Variants in PIP5K1B observed in about 807,000 individuals in gnomAD.
PIP5K1B encodes phosphatidylinositol 4-phosphate 5-kinase type-1 beta.
In PIP5K1B, 42 loss-of-function variants were observed where a neutral mutation model predicts 67.0. The observed-to-expected ratio is 0.63, with a 90% CI of 0.49 to 0.81. PIP5K1B has a LOEUF of 0.81. Among genes scored for constraint, PIP5K1B ranks in the 30% least tolerant of loss-of-function variants. The probability of loss-of-function intolerance (pLI) is 0.00; values close to 1 mark genes in which losing one functional copy is unlikely to be tolerated. For missense variants in PIP5K1B, 459 were observed against 646.3 expected (o/e 0.71, Z 3.14); for synonymous variants, 214 against 231.4 (o/e 0.92, Z 0.68).
intron 14 of PIP5K1B, among the ~76,000 whole-genome samples, chr9:68,985,775 C>T (rs1054992363): frequency 2.6e-5 from 4 of 152,238 alleles, no homozygotes; most frequent in African/African-American, 4.8e-5. Flanking sequence ...CCAACTCTCT[C>T]ATGTCATCAA....
At chr9:68,772,013 G>A (rs1830691745) in intron 2 of PIP5K1B, among the ~76,000 whole-genome samples, 1 of 152,192 alleles carries the variant, frequency 6.6e-6, no homozygotes, top group South Asian at 2.1e-4. Flanking sequence ...AAAGGTGCAT[G>A]AAAAGGGAAG....
At chr9:68,832,247 T>C (rs924231009) in intron 4 of PIP5K1B, among the ~76,000 whole-genome samples, 1 of 152,236 alleles carries the variant, frequency 6.6e-6, no homozygotes, top group Non-Finnish European at 1.5e-5. Flanking sequence ...TGAGATCCAC[T>C]TGACAGTGGT....
chr9:68,988,440 T>G lies in PIP5K1B; in HGVS notation c.1503-2700T>G, dbSNP rs1193422633. 1.8e-4 allele frequency among the ~76,000 whole-genome samples: 25 copies of G among 142,236 alleles called. No homozygotes were observed. The South Asian group carries it at 2.0e-3, about 11-fold the overall frequency. The allele number at this position is 142,236 out of a possible 152,430, so 93.3% of individuals were successfully genotyped here. A position where few individuals can be genotyped will look rare whatever the true frequency, so the allele number is the denominator to read the frequency against. Reference sequence around the variant, plus strand: ...GAATGGAAAAACTTAGTTGTTTTTTTGGGGTTTTTTTTTTTTTTTTTTTTT... The same window carrying G: ...GAATGGAAAAACTTAGTTGTTTTTTGGGGGTTTTTTTTTTTTTTTTTTTTT... On this transcript the variant is annotated intron_variant, in intron 14 of 15. Transcript: ENST00000265382.
intron 14 of PIP5K1B, among the ~76,000 whole-genome samples, chr9:68,948,178 C>T (rs963245498): frequency 1.3e-5 from 2 of 152,198 alleles, no homozygotes; most frequent in African/African-American, 4.8e-5. Context: ...AGTCATCAAG[C>T]AAATGATACC....
intron 2 of PIP5K1B, among the ~76,000 whole-genome samples, chr9:68,806,178 A>G (rs754250235): frequency 6.6e-6 from 1 of 152,136 alleles, no homozygotes; most frequent in Non-Finnish European, 1.5e-5. Context: ...TGCAGCTGGG[A>G]TAAAGGTGGC....
chr9:68,880,009 A>G (rs1824099049), intron 6 of PIP5K1B, among the ~76,000 whole-genome samples: 1 of 152,148 alleles, frequency 6.6e-6, no homozygotes, highest in Non-Finnish European at 1.5e-5. Flanking sequence ...GTGTACTCTA[A>G]ACGGGTGAAT....
intron 2 of PIP5K1B, chr9:68,782,414 A>G (rs1564131262): frequency 6.0e-6 from 1 of 166,938 alleles, no homozygotes; most frequent in East Asian, 1.9e-4. Flanking sequence ...AGAATAGCAA[A>G]AATTTTTTTA....
At chr9:68,715,102 G>A (rs1827570622) in intron 1 of PIP5K1B, among the ~76,000 whole-genome samples, 1 of 152,180 alleles carries the variant, frequency 6.6e-6, no homozygotes, top group African/African-American at 2.4e-5. Flanking sequence ...AAAAGGCCTG[G>A]GTTGCTTTGC....
intron 2 of PIP5K1B, among the ~76,000 whole-genome samples, chr9:68,801,262 T>C (rs1832587429): frequency 6.6e-6 from 1 of 152,110 alleles, no homozygotes; most frequent in African/African-American, 2.4e-5. Flanking sequence ...AGCCCGGGCA[T>C]GAGAGAACTT....
At chr9:69,007,602 A>C (rs1005273797) in intron 15 of PIP5K1B, among the ~76,000 whole-genome samples, 2 of 152,210 alleles carry the variant, frequency 1.3e-5, no homozygotes, top group African/African-American at 4.8e-5. Context: ...TCACGCCTGT[A>C]ATCCCAGCAC....
intron 4 of PIP5K1B, among the ~76,000 whole-genome samples, chr9:68,845,000 C>CA (rs1389820865): frequency 6.6e-6 from 1 of 151,954 alleles, no homozygotes; most frequent in Admixed American, 6.6e-5. Flanking sequence ...TTAAATCATA[C>CA]AAAACAAGTG....
intron 2 of PIP5K1B, among the ~76,000 whole-genome samples, chr9:68,753,342 A>AT (rs398010785): frequency 0.4 from 53,982 of 133,714 alleles, 12,134 homozygotes; most frequent in East Asian, 0.69. Context: ...CATTTTCTTG[A>AT]TTTTTTTTTT....
chr9:68,763,603 T>TA (rs984061393), intron 2 of PIP5K1B, among the ~76,000 whole-genome samples: 13 of 151,024 alleles, frequency 8.6e-5, no homozygotes, highest in East Asian at 1.9e-4. Flanking sequence ...TGAAGGATGT[T>TA]AAAAAAAAAT....
At chr9:68,995,859 A>G (rs1830582911) in intron 15 of PIP5K1B, among the ~76,000 whole-genome samples, 1 of 151,846 alleles carries the variant, frequency 6.6e-6, no homozygotes, top group Admixed American at 6.6e-5. Context: ...ACAAGAAAGG[A>G]AAACCAATCT....
intron 4 of PIP5K1B, among the ~76,000 whole-genome samples, chr9:68,833,561 G>T (rs1039718097): frequency 6.6e-6 from 1 of 151,460 alleles, no homozygotes; most frequent in Non-Finnish European, 1.5e-5. Flanking sequence ...CAGGGACACT[G>T]CCCCCCCACC....
At chr9:68,998,349 G>T (rs1026217858) in intron 15 of PIP5K1B, among the ~76,000 whole-genome samples, 1 of 152,150 alleles carries the variant, frequency 6.6e-6, no homozygotes, top group African/African-American at 2.4e-5. Context: ...ACTGCACCCG[G>T]CTGATTTCCA....
At chr9:68,939,767 ACT>A (rs1827465741) in intron 13 of PIP5K1B, among the ~76,000 whole-genome samples, 1 of 152,100 alleles carries the variant, frequency 6.6e-6, no homozygotes, top group African/African-American at 2.4e-5. Context: ...AAAACCTCAC[ACT>A]CATACGAGAA....
At position 68,876,746 on chromosome 9, in the gene PIP5K1B, A is replaced by T; in HGVS notation, c.270A>T (p.Ala90=). The T allele has an allele frequency of 6.2e-7, 1 of 1,610,180 alleles. No homozygotes were observed. Among genetic ancestry groups the T allele is most frequent in the Non-Finnish European group, 8.5e-7 (1 of 1,176,402 alleles). Residue 90 remains alanine, a synonymous_variant, in exon 6 of 16, where the codon GCA becomes GCT. Transcript: ENST00000265382. ...DFRFKTYAPL[A]FRYFRELFGI... ...GATTTAAGACATACGCTCCATTAGCATTCCGATATTTCAGAGAACTTTTTG... is the reference window on the plus strand; with the variant it reads ...GATTTAAGACATACGCTCCATTAGCTTTCCGATATTTCAGAGAACTTTTTG...
intron 2 of PIP5K1B, among the ~76,000 whole-genome samples, chr9:68,749,504 T>C (rs1411028986): frequency 1.3e-5 from 2 of 152,188 alleles, no homozygotes; most frequent in Non-Finnish European, 2.9e-5. Context: ...TTTCGTAGTT[T>C]TAAGCCACCA....
Sources: gnomAD v4.1 joint callset for allele counts (sites outside exome capture counted in the v4.1 genomes callset) on GRCh38, gnomAD v4.1.1 for gene constraint, MANE v1.5 for transcripts, NCBI Gene and HGNC (gene_info 2026-07-23, HGNC 2026-07-21) for gene names.